SLTM: variants seen among roughly 807,000 people sequenced by gnomAD.
SLTM encodes SAFB-like transcription modulator.
SLTM carries 43 observed loss-of-function variants against 134.6 expected under a neutral mutation model. That is an observed-to-expected ratio of 0.32 (90% CI 0.25 to 0.41). The LOEUF (loss-of-function observed/expected upper bound fraction) is 0.41. SLTM is among the 10% of genes least tolerant of loss of function. The pLI is 1.00. For synonymous variants in SLTM, 424 were observed against 432.3 expected, an observed-to-expected ratio of 0.98 and a Z score of 0.24; for missense variants, 1,055 against 1,288.8, an observed-to-expected ratio of 0.82 and a Z score of 2.78.
intron 2 of SLTM, among the ~76,000 whole-genome samples, chr15:58,925,224 G>T (rs538691654): frequency 6.6e-6 from 1 of 152,204 alleles, no homozygotes; most frequent in East Asian, 1.9e-4. Flanking sequence ...TGTATTGTTT[G>T]CAAGTGTTTT....
Position 58,912,616 on chromosome 15 carries a change from TA to T in SLTM, c.514-7del. On this transcript the variant is annotated splice_region_variant and splice_polypyrimidine_tract_variant and intron_variant, in intron 4 of 20. Coordinates refer to ENST00000380516, the MANE Select transcript of SLTM (RefSeq NM_024755.4). ...CCTTCTTGAGCTTCAATTTCCTAAGTAAAAGGGTATACAATAGCTTTGCTTT... is the reference window on the plus strand; with the variant it reads ...CCTTCTTGAGCTTCAATTTCCTAAGTAAAGGGTATACAATAGCTTTGCTTT... 1 of 1,597,660 alleles carries T rather than the reference TA, an allele frequency of 6.3e-7. No homozygotes were observed. The highest frequency in any genetic ancestry group is 8.6e-7 in the Non-Finnish European group (1 of 1,169,584).
At chr15:58,892,848 AATATTTACCT>A in intron 14 of SLTM, 39 bp downstream of exon 14, 1 of 1,558,386 alleles carries the variant, frequency 6.4e-7, no homozygotes, top group Non-Finnish European at 8.7e-7. Context: ...ACTAGTGTTA[AATATTTACCT>A]ATATTTAAAG....
At chr15:58,911,433 A>G (rs2036261905) in intron 5 of SLTM, among the ~76,000 whole-genome samples, 1 of 152,176 alleles carries the variant, frequency 6.6e-6, no homozygotes, top group African/African-American at 2.4e-5. Context: ...TACACCATTT[A>G]AAGAGGACAT....
intron 3 of SLTM, among the ~76,000 whole-genome samples, chr15:58,915,072 T>G (rs1452382308): frequency 6.6e-6 from 1 of 152,068 alleles, no homozygotes; most frequent in Admixed American, 6.6e-5. Context: ...AAGCCGGTAA[T>G]CCCAGCTACT....
intron 19 of SLTM, among the ~76,000 whole-genome samples, chr15:58,884,112 AAGG>A (rs1195375178): frequency 6.6e-6 from 1 of 151,928 alleles, no homozygotes; most frequent in African/African-American, 2.4e-5. Flanking sequence ...AAAAAAAAAA[AAGG>A]AGAAGTCACA....
In SLTM at chr15:58,899,230, AAAACAAC is replaced by A; in HGVS notation, c.1058+232_1058+238del. ...TTTGAAAAAAAAAAACAAAAAACAA[AAAACAAC>A]AAAAAAACCAAATATATGCTGACAT... is the stretch of plus-strand genomic sequence containing the variant. On this transcript the variant is annotated intron_variant, in intron 7 of 20. Coordinates refer to ENST00000380516, the MANE Select transcript of SLTM (RefSeq NM_024755.4). The surrounding 1 kb of genome is among the most constrained non-coding windows in gnomAD (Gnocchi z 5.0). 2.1e-6 allele frequency: 1 copy of A among 473,190 alleles called. No homozygotes were observed. The highest frequency in any genetic ancestry group is 2.0e-5 in the African/African-American group (1 of 49,556). The allele number at this position is 473,190 out of a possible 1,614,324, so 29.3% of individuals were successfully genotyped here.
Position 58,899,649 on chromosome 15 carries a change from T to G in SLTM, c.878A>C (p.Glu293Ala), listed in dbSNP as rs2035334737. 1 of 1,614,118 alleles carries G rather than the reference T, an allele frequency of 6.2e-7. No individual in the cohort carries two copies. Among genetic ancestry groups the G allele is most frequent in the South Asian group, 1.1e-5 (1 of 91,088 alleles). ...CGCATTCATCTCATAATCCTTGCTT[T>G]CCTTCTCCGGGCTCTGTGCAATGGC... ...QDAIAQSPEKESKDYEMNANH... is the reference protein window; with the variant it reads ...QDAIAQSPEKASKDYEMNANH... The change falls in exon 7 of 21, where the codon GAA becomes GCA. Residue 293 changes from glutamate to alanine, a missense_variant. Glu to Ala is a moderately radical substitution (Grantham distance 107, BLOSUM62 -1). Transcript: ENST00000380516. This position sits in a 1 kb window ranked among gnomAD's most constrained non-coding sequence, Gnocchi z 5.0.
At chr15:58,926,319 GTATGGT>G (rs2037463354) in intron 2 of SLTM, among the ~76,000 whole-genome samples, 1 of 152,134 alleles carries the variant, frequency 6.6e-6, no homozygotes, top group South Asian at 2.1e-4. Context: ...AAAACACCAT[GTATGGT>G]GTGAATCTAT....
At chr15:58,928,793 C>G (rs1337816856) in intron 2 of SLTM, among the ~76,000 whole-genome samples, 1 of 152,110 alleles carries the variant, frequency 6.6e-6, no homozygotes, top group Non-Finnish European at 1.5e-5. Flanking sequence ...TCCTGACCAG[C>G]TATTATATAT....
chr15:58,928,015 T>C lies in SLTM; in HGVS notation c.250+4341A>G, dbSNP rs568242780. 2.6e-5 allele frequency among the ~76,000 whole-genome samples: 4 copies of C among 152,328 alleles called. No individual in the cohort carries two copies. In the East Asian group the frequency reaches 7.7e-4, roughly 29 times the overall value. On this transcript the variant is annotated intron_variant, in intron 2 of 20. Transcript: ENST00000380516. ...CCACAAAAAATTATACATTAGATGT[T>C]TGGCCAAACCTATAACCTCAAAATA...
intron 5 of SLTM, among the ~76,000 whole-genome samples, chr15:58,901,620 C>T (rs150352743): frequency 8.3e-4 from 126 of 152,296 alleles, no homozygotes; most frequent in African/African-American, 2.8e-3. Flanking sequence ...GACCTGATGA[C>T]GTATTTTACG....
At chr15:58,888,319 T>C (rs2034388558) in intron 17 of SLTM, 66 bp downstream of exon 17, 1 of 1,402,084 alleles carries the variant, frequency 7.1e-7, no homozygotes, top group Non-Finnish European at 9.7e-7. Flanking sequence ...GTTAAGATTT[T>C]AGGAGAAACA....
chr15:58,926,613 CT>C (rs377711971), intron 2 of SLTM, among the ~76,000 whole-genome samples: 277 of 141,660 alleles, frequency 2.0e-3, no homozygotes, highest in Middle Eastern at 3.6e-3. Flanking sequence ...TCTGGATTAC[CT>C]TTTTTTTTTT....
intron 12 of SLTM, 100 bp downstream of exon 12, chr15:58,893,721 C>G: frequency 7.6e-7 from 1 of 1,313,864 alleles, no homozygotes; most frequent in South Asian, 1.5e-5. Flanking sequence ...CACCTAACAA[C>G]AAAGCTTATA....
rs377675303 is a variant in SLTM at position 58,887,040 on chromosome 15, C to T, written c.2770G>A (p.Ala924Thr). The change falls in exon 19 of 21, where the codon GCT becomes ACT. Residue 924 changes from alanine (A) to threonine (T), a missense_variant. By Grantham distance (58) the Ala-to-Thr change is moderately conservative. Transcript: ENST00000380516. The part of the protein sequence containing the change: ...RGAPPGNRSS[A>T]SGYGSREGDR... ...CCCTCTCTGCTCCCGTACCCCGAAG[C>T]GCTGCTACGATTCCCAGGGGGAGCG... The T allele has an allele frequency of 1.8e-5, 29 of 1,613,492 alleles. No homozygotes were observed. Among genetic ancestry groups the T allele is most frequent in the South Asian group, 1.4e-4 (13 of 91,062 alleles).
intron 5 of SLTM, 105 bp downstream of exon 5, chr15:58,912,458 T>A (rs2036347499): frequency 2.9e-6 from 3 of 1,045,466 alleles, no homozygotes; most frequent in Non-Finnish European, 4.4e-6. Context: ...AGTATTAAAT[T>A]TAAGACAGTT....
rs2035315323 is a variant in SLTM, at chr15:58,899,367, A to C, written c.1058+102T>G. On this transcript the variant is annotated intron_variant, in intron 7 of 20. Transcript: ENST00000380516. This position sits in a 1 kb window ranked among gnomAD's most constrained non-coding sequence, Gnocchi z 5.0. The stretch of plus-strand genomic sequence containing the variant: ...AATATTATAGGCAGGATCATAAGAC[A>C]CTAATTACTGTACATGTTCTTGAAG... The C allele has an allele frequency of 1.1e-6, 1 of 898,596 alleles. No individual in the cohort carries two copies. The highest frequency in any genetic ancestry group is 1.7e-6 in the Non-Finnish European group (1 of 575,436). The allele number at this position is 898,596 out of a possible 1,614,324, so 55.7% of individuals were successfully genotyped here. A position where few individuals can be genotyped will look rare whatever the true frequency, so the allele number is the denominator to read the frequency against.
At chr15:58,898,876 A>T (rs757067042) in intron 7 of SLTM, 24 bp from the exon 8 acceptor site, 1 of 1,592,704 alleles carries the variant, frequency 6.3e-7, no homozygotes, top group Non-Finnish European at 8.6e-7. Context: ...TCACCAGAAG[A>T]AAATTGAAAA....
intron 5 of SLTM, among the ~76,000 whole-genome samples, chr15:58,912,336 T>G (rs2036335877): frequency 6.6e-6 from 1 of 152,128 alleles, no homozygotes; most frequent in African/African-American, 2.4e-5. Flanking sequence ...CCTGACCTCG[T>G]GAACCGCCCG....
Sources: allele counts gnomAD v4.1 joint callset (sites outside exome capture counted in the v4.1 genomes callset), GRCh38; gene constraint gnomAD v4.1.1; non-coding constraint Gnocchi (gnomAD v3.1); transcripts MANE v1.5; gene names NCBI Gene and HGNC (gene_info 2026-07-23, HGNC 2026-07-21).